SASH1: variants seen among roughly 807,000 people sequenced by gnomAD.
SASH1 encodes the protein SAM and SH3 domain containing 1, also known as SAM and SH3 domain-containing protein 1.
SASH1 carries 44 observed loss-of-function variants against 125.2 expected under a neutral mutation model. That is an observed-to-expected ratio of 0.35 (90% CI 0.28 to 0.45). The LOEUF (loss-of-function observed/expected upper bound fraction) is 0.45, where lower values mean the gene tolerates loss of function less well. Among genes scored for constraint, SASH1 ranks in the 20% least tolerant of loss-of-function variants. The probability of loss-of-function intolerance (pLI) is 1.00; values close to 1 mark genes in which losing one functional copy is unlikely to be tolerated. For missense variants in SASH1, 1,426 were observed against 1,614.5 expected (o/e 0.88, Z 2.00); for synonymous variants, 639 against 649.1 (o/e 0.98, Z 0.24).
chr6:148,433,135 AT>A (rs994596880), intron 2 of SASH1, among the ~76,000 whole-genome samples: 14 of 152,038 alleles, frequency 9.2e-5, no homozygotes, highest in Admixed American at 8.5e-4. Flanking sequence ...TTGTGGAACT[AT>A]TTTTTCTACA....
chr6:148,421,391 C>T (rs1785097939), intron 2 of SASH1, among the ~76,000 whole-genome samples: 1 of 152,218 alleles, frequency 6.6e-6, no homozygotes, highest in Admixed American at 6.5e-5. Flanking sequence ...GCATCCTCCA[C>T]CCTCCGGGTT....
Position 148,527,588 on chromosome 6 carries a change from T to C in SASH1, c.1420T>C (p.Ser474Pro). Reference protein sequence around the residue: ...RMSKKYSSSVSEQDSGLDGMP... With the variant: ...RMSKKYSSSVPEQDSGLDGMP... Reference sequence around the variant, plus strand: ...GTCTAAAAAATACAGCAGCTCTGTCTCTGAGCAGGTATGCAGCTACCTGGT... The same window carrying C: ...GTCTAAAAAATACAGCAGCTCTGTCCCTGAGCAGGTATGCAGCTACCTGGT... Residue 474 changes from serine to proline, a missense_variant, in exon 12 of 20, where the codon TCT becomes CCT. This residue lies in a region of SASH1 where 225 missense variants were observed against 344.5 expected (regional missense o/e 0.65). Transcript: ENST00000367467. The C allele has an allele frequency of 6.2e-7, 1 of 1,608,760 alleles. No homozygotes were observed. Among genetic ancestry groups the C allele is most frequent in the Non-Finnish European group, 8.5e-7 (1 of 1,178,618 alleles).
rs79599054 is a variant in SASH1, at chr6:148,471,339, G to A, written c.428-78G>A. 5.9e-3 allele frequency: 5,103 copies of A among 865,342 alleles called. 105 individuals carry two copies. Among genetic ancestry groups the A allele is most frequent in the African/African-American group, 0.049 (2,768 of 56,678 alleles). The allele number at this position is 865,342 out of a possible 1,614,324, so 53.6% of individuals were successfully genotyped here. A position where few individuals can be genotyped will look rare whatever the true frequency, so the allele number is the denominator to read the frequency against. ...TACCAGCTTTGAATTACAAGGAAGA[G>A]GCTACTTTTGTTATTAATGATGAAT... is the stretch of plus-strand genomic sequence containing the variant. On this transcript the variant is annotated intron_variant, in intron 5 of 19. Transcript: ENST00000367467.
At chr6:148,238,450 C>T in the SASH1 span, among the ~76,000 whole-genome samples, 2 of 152,190 alleles carry the variant, frequency 1.3e-5, no homozygotes, top group Non-Finnish European at 2.9e-5. Flanking sequence ...TCTCAAACTC[C>T]TGGCCTCAGG....
chr6:148,533,378 G>C lies in SASH1; in HGVS notation c.1735-393G>C, dbSNP rs2115410153. Among the ~76,000 whole-genome samples, 1 of 152,252 alleles carries C rather than the reference G, an allele frequency of 6.6e-6. No individual in the cohort carries two copies. The highest frequency in any genetic ancestry group is 1.5e-5 in the Non-Finnish European group (1 of 67,996). ...CACAAAGTGTGTGCAGCCATGACAG[G>C]GCCGGGATTGCCACTGGTTAGGACA... is the stretch of plus-strand genomic sequence containing the variant. On this transcript the variant is annotated intron_variant, in intron 14 of 19. Transcript: ENST00000367467. This position sits in a 1 kb window ranked among gnomAD's most constrained non-coding sequence, Gnocchi z 6.2.
the SASH1 span, among the ~76,000 whole-genome samples, chr6:148,228,737 A>G: frequency 3.3e-5 from 5 of 152,150 alleles, no homozygotes; most frequent in African/African-American, 1.2e-4. Flanking sequence ...ACATTGTTCT[A>G]CAGTTTAATG....
chr6:148,209,162 A>C, the SASH1 span, among the ~76,000 whole-genome samples: 1 of 152,254 alleles, frequency 6.6e-6, no homozygotes, highest in South Asian at 2.1e-4. Flanking sequence ...TTTATAAATC[A>C]CCTGAATTTT....
At chr6:148,375,976 C>G (rs955621606) in intron 1 of SASH1, among the ~76,000 whole-genome samples, 4 of 152,190 alleles carry the variant, frequency 2.6e-5, no homozygotes, top group Non-Finnish European at 5.9e-5. Flanking sequence ...AACTCATGCA[C>G]TGTACTTGGA....
At chr6:148,281,802 G>A (rs1376467673) in intron 1 of SASH1, among the ~76,000 whole-genome samples, 1 of 151,894 alleles carries the variant, frequency 6.6e-6, no homozygotes. Flanking sequence ...ACGTGCCTAT[G>A]GTCCCAGCTA....
intron 8 of SASH1, among the ~76,000 whole-genome samples, chr6:148,489,602 G>A (rs759201114): frequency 4.6e-5 from 7 of 152,202 alleles, no homozygotes; most frequent in Non-Finnish European, 5.9e-5. Context: ...AATGAACATA[G>A]GGTATCTTTC....
rs574667031 is a variant in SASH1, at chr6:148,475,398, CTG to C, written c.627+1179_627+1180del. The stretch of plus-strand genomic sequence containing the variant: ...CCAGCAGGTTTGGTGTCTGGTGAGA[CTG>C]TGCTCTTCTAAGATGACACCTTGTA... On this transcript the variant is annotated intron_variant, in intron 7 of 19. Transcript: ENST00000367467. 9.5e-4 allele frequency among the ~76,000 whole-genome samples: 145 copies of C among 152,294 alleles called. 1 individual carries two copies. The highest frequency in any genetic ancestry group is 9.0e-3 in the Admixed American group (138 of 15,296).
chr6:148,453,851 T>C (rs1329847366), intron 4 of SASH1, among the ~76,000 whole-genome samples: 1 of 152,122 alleles, frequency 6.6e-6, no homozygotes, highest in East Asian at 1.9e-4. Context: ...GAGGGCCCTG[T>C]ATTTTGGCAT....
Position 148,548,566 on chromosome 6 carries a change from C to T in SASH1, c.*8C>T, listed in dbSNP as rs756363256. ...GGCCCTGAGGCCATGTAGCCAGGCC[C>T]GGAATGGGCCTCTCTGGACAAGAGC... On this transcript the variant is annotated 3_prime_UTR_variant, in exon 20 of 20. Transcript: ENST00000367467. 1.6e-5 allele frequency: 26 copies of T among 1,582,896 alleles called. No individual in the cohort carries two copies. The highest frequency in any genetic ancestry group is 1.7e-4 in the Middle Eastern group (1 of 5,882).
At chr6:148,459,603 C>T (rs1003720587) in intron 4 of SASH1, among the ~76,000 whole-genome samples, 2 of 151,958 alleles carry the variant, frequency 1.3e-5, no homozygotes, top group African/African-American at 4.8e-5. Flanking sequence ...TGGCCATTCC[C>T]GAGGTGCCAG....
At position 148,468,868 on chromosome 6, in the gene SASH1, C is replaced by G. The variant is rs778501062; in HGVS notation, c.427+283C>G. ...TTAATACAGAAAAATTAGAAGCAAC[C>G]TAAATATCCAGCAAAGAATGAATTG... On this transcript the variant is annotated intron_variant, in intron 5 of 19. Coordinates refer to ENST00000367467, the MANE Select transcript of SASH1 (RefSeq NM_015278.5). 250 of 281,202 alleles carry G rather than the reference C, an allele frequency of 8.9e-4. 1 individual carries two copies. Among genetic ancestry groups the G allele is most frequent in the Non-Finnish European group, 1.5e-3 (224 of 153,198 alleles). 17.4% of individuals were successfully genotyped at this position (281,202 alleles called of 1,614,324 possible).
upstream of SASH1, among the ~76,000 whole-genome samples, chr6:148,268,857 C>T (rs2128501852): frequency 6.6e-6 from 1 of 152,212 alleles, no homozygotes; most frequent in African/African-American, 2.4e-5. Context: ...ATTTGCATTT[C>T]CTTTATAATG....
intron 1 of SASH1, among the ~76,000 whole-genome samples, chr6:148,368,760 G>GCACACACACACACA (rs1391322609): frequency 6.7e-5 from 1 of 14,930 alleles, no homozygotes; most frequent in African/African-American, 2.1e-4. Context: ...ACATGCGCGC[G>GCACACACACACACA]CACGCGCGCG....
At chr6:148,467,520 G>A (rs1777901639) in intron 4 of SASH1, among the ~76,000 whole-genome samples, 1 of 152,196 alleles carries the variant, frequency 6.6e-6, no homozygotes, top group African/African-American at 2.4e-5. Flanking sequence ...CAAACTGGCA[G>A]CCAAAGGTGT....
the SASH1 span, among the ~76,000 whole-genome samples, chr6:148,197,618 C>T: frequency 6.6e-6 from 1 of 152,190 alleles, no homozygotes; most frequent in Non-Finnish European, 1.5e-5. Flanking sequence ...GACTCATGCT[C>T]CTGAGGGTCA....
Sources: gnomAD v4.1 joint callset for allele counts (sites outside exome capture counted in the v4.1 genomes callset) on GRCh38, gnomAD v4.1.1 for gene constraint, gnomAD v4.1.1 regional missense constraint, Gnocchi (gnomAD v3.1) non-coding constraint, MANE v1.5 for transcripts, NCBI Gene and HGNC (gene_info 2026-07-23, HGNC 2026-07-21) for gene names.